The following CTNNA1 variants were observed in gnomAD, a reference collection of about 807,000 sequenced individuals.
CTNNA1 encodes the protein catenin alpha 1, also known as catenin alpha-1.
CTNNA1 carries 37 observed loss-of-function variants against 98.4 expected under a neutral mutation model. That is an observed-to-expected ratio of 0.38 (90% CI 0.29 to 0.49). CTNNA1 has a LOEUF of 0.49. CTNNA1 is among the 20% of genes least tolerant of loss of function. The probability of loss-of-function intolerance (pLI) is 0.95; values close to 1 mark genes in which losing one functional copy is unlikely to be tolerated. For synonymous variants in CTNNA1, 404 were observed against 413.2 expected (o/e 0.98, Z 0.27); for missense variants, 761 against 1,147.2 (o/e 0.66, Z 4.86).
At chr5:138,899,642 A>C (rs1341255910) in intron 9 of CTNNA1, among the ~76,000 whole-genome samples, 3 of 152,184 alleles carry the variant, frequency 2.0e-5, no homozygotes. Context: ...GCCTTGGCCC[A>C]TTAAAACCCA....
intron 9 of CTNNA1, among the ~76,000 whole-genome samples, chr5:138,900,183 G>T (rs1757731741): frequency 6.6e-6 from 1 of 152,112 alleles, no homozygotes; most frequent in Non-Finnish European, 1.5e-5. Flanking sequence ...TGTTATTTTT[G>T]ACTTTTAGAC....
chr5:138,819,563 T>G (rs1759803883), intron 5 of CTNNA1, among the ~76,000 whole-genome samples: 1 of 152,160 alleles, frequency 6.6e-6, no homozygotes, highest in African/African-American at 2.4e-5. Context: ...AGCGCAGGCC[T>G]GAGGGGCATG....
At chr5:138,833,457 GAT>G (rs1180168111) in intron 7 of CTNNA1, among the ~76,000 whole-genome samples, 7 of 152,162 alleles carry the variant, frequency 4.6e-5, no homozygotes, top group Non-Finnish European at 8.8e-5. Flanking sequence ...TTATCTCACT[GAT>G]ATTATTTTAG....
At chr5:138,792,553 G>A (rs1458225364) in intron 3 of CTNNA1, among the ~76,000 whole-genome samples, 1 of 152,214 alleles carries the variant, frequency 6.6e-6, no homozygotes, top group Admixed American at 6.5e-5. Flanking sequence ...GGTTTGCTGG[G>A]TTCATGATGT....
At chr5:138,813,211 C>A (rs1033169817) in intron 5 of CTNNA1, among the ~76,000 whole-genome samples, 1 of 152,184 alleles carries the variant, frequency 6.6e-6, no homozygotes, top group Non-Finnish European at 1.5e-5. Context: ...TCATCACTAT[C>A]GTCTTCAGTG....
At chr5:138,928,940 GA>G (rs5871688) in intron 13 of CTNNA1, among the ~76,000 whole-genome samples, 40 of 145,332 alleles carry the variant, frequency 2.8e-4, no homozygotes, top group Admixed American at 1.2e-3. Context: ...TGTCTCAAAG[GA>G]AAAAAAAAAA....
At chr5:138,765,794 T>G (rs1402563733) in intron 1 of CTNNA1, among the ~76,000 whole-genome samples, 1 of 151,288 alleles carries the variant, frequency 6.6e-6, no homozygotes, top group Non-Finnish European at 1.5e-5. Flanking sequence ...ACTAAAAATA[T>G]AAAAATTAGC....
chr5:138,883,373 C>T lies in CTNNA1; in HGVS notation c.1063-2839C>T, dbSNP rs77209845. On this transcript the variant is annotated intron_variant, in intron 7 of 17. Transcript: ENST00000302763. ...TAAAGGGCTTAGTAAATAACTGCTC[C>T]TAAACTGCTCCCCTTCTGATTAATG... Among the ~76,000 whole-genome samples the T allele has an allele frequency of 3.1e-3, 470 of 152,260 alleles. 2 individuals are homozygous for T. Among genetic ancestry groups the T allele is most frequent in the African/African-American group, 0.011 (445 of 41,546 alleles).
chr5:138,810,211 A>C lies in CTNNA1; in HGVS notation c.468+7A>C. ...ACTTGTTCAGCTGAAAGTTGTAAGTATACAGGCCTATGTCTGTAATTTGTT... is the reference window on the plus strand; with the variant it reads ...ACTTGTTCAGCTGAAAGTTGTAAGTCTACAGGCCTATGTCTGTAATTTGTT... On this transcript the variant is annotated splice_region_variant and intron_variant, in intron 4 of 17. Coordinates refer to ENST00000302763, the MANE Select transcript of CTNNA1 (RefSeq NM_001903.5). 1 of 1,612,542 alleles carries C rather than the reference A, an allele frequency of 6.2e-7. No individual in the cohort carries two copies. Among genetic ancestry groups the C allele is most frequent in the Non-Finnish European group, 8.5e-7 (1 of 1,178,624 alleles).
intron 17 of CTNNA1, chr5:138,933,071 T>C: frequency 2.8e-6 from 2 of 702,190 alleles, no homozygotes; most frequent in Non-Finnish European, 5.2e-6. Flanking sequence ...GAGATGGAGG[T>C]TGCAGTGAGC....
chr5:138,899,848 C>T (rs1434421959), intron 9 of CTNNA1, among the ~76,000 whole-genome samples: 1 of 152,168 alleles, frequency 6.6e-6, no homozygotes, highest in Non-Finnish European at 1.5e-5. Flanking sequence ...ATCTGTATAC[C>T]ATAAAATTAA....
At chr5:138,784,195 T>C (rs930413993) in intron 3 of CTNNA1, among the ~76,000 whole-genome samples, 2 of 152,228 alleles carry the variant, frequency 1.3e-5, no homozygotes, top group African/African-American at 4.8e-5. Flanking sequence ...TGAGCCACAG[T>C]GCCCGGCCTT....
At chr5:138,780,586 C>T (rs1162845108) in intron 1 of CTNNA1, among the ~76,000 whole-genome samples, 2 of 151,366 alleles carry the variant, frequency 1.3e-5, no homozygotes, top group East Asian at 2.0e-4. Flanking sequence ...GGCACAATCT[C>T]GGCTCACTGC....
intron 3 of CTNNA1, among the ~76,000 whole-genome samples, chr5:138,784,870 A>G (rs1040563417): frequency 1.3e-5 from 2 of 152,048 alleles, no homozygotes; most frequent in African/African-American, 4.8e-5. Flanking sequence ...TCTGTGTCCA[A>G]GTTTCCCTCT....
At chr5:138,776,963 T>C (rs1580942868) in intron 1 of CTNNA1, among the ~76,000 whole-genome samples, 3 of 109,974 alleles carry the variant, frequency 2.7e-5, no homozygotes, top group Admixed American at 1.8e-4. Flanking sequence ...CTCCCCCACC[T>C]CCCTCCCGGA....
At chr5:138,824,878 A>G (rs564302791) in intron 6 of CTNNA1, 79 bp downstream of exon 6, 9 of 1,372,946 alleles carry the variant, frequency 6.6e-6, no homozygotes, top group African/African-American at 1.4e-5. Context: ...AAAGTGATCA[A>G]GGCTTCTGAT....
chr5:138,798,132 A>G (rs1429977463), intron 3 of CTNNA1, among the ~76,000 whole-genome samples: 1 of 152,244 alleles, frequency 6.6e-6, no homozygotes, highest in African/African-American at 2.4e-5. Flanking sequence ...TGTGTGGATA[A>G]TGACATGTTC....
intron 7 of CTNNA1, among the ~76,000 whole-genome samples, chr5:138,838,683 G>T (rs1313725670): frequency 6.6e-6 from 1 of 152,066 alleles, no homozygotes; most frequent in Non-Finnish European, 1.5e-5. Context: ...TCTTCTTTGT[G>T]TAAAGATATA....
rs568329271 is a variant in CTNNA1 at position 138,847,294 on chromosome 5, G to T, written c.1062+19576G>T. Among the ~76,000 whole-genome samples, 15 of 79,732 alleles carry T rather than the reference G, an allele frequency of 1.9e-4. No homozygotes were observed. In the South Asian group the frequency reaches 6.6e-3, roughly 35 times the overall value. The allele number at this position is 79,732 out of a possible 152,430, so 52.3% of individuals were successfully genotyped here. A position where few individuals can be genotyped will look rare whatever the true frequency, so the allele number is the denominator to read the frequency against. ...CTGACAACATTCCTTTTTAAAGCCG[G>T]CGTAGTCCCTCCCTCCCTGTCTCCT... On this transcript the variant is annotated intron_variant, in intron 7 of 17. Coordinates refer to ENST00000302763, the MANE Select transcript of CTNNA1 (RefSeq NM_001903.5).
Sources: allele counts gnomAD v4.1 joint callset (sites outside exome capture counted in the v4.1 genomes callset), GRCh38; gene constraint gnomAD v4.1.1; transcripts MANE v1.5; gene names NCBI Gene and HGNC (gene_info 2026-07-23, HGNC 2026-07-21).